CCDC146: variants seen among roughly 807,000 people sequenced by gnomAD.
The protein encoded by CCDC146 is coiled-coil domain-containing protein 146.
Under a neutral mutation model 119.3 loss-of-function variants are expected in CCDC146, and 92 were observed. The observed-to-expected ratio is 0.77, with a 90% confidence interval of 0.65 to 0.92. CCDC146 has a LOEUF of 0.92. Ranked by LOEUF, CCDC146 falls within the 40% of genes least tolerant of loss-of-function variation. CCDC146 has a pLI of 0.00. For synonymous variants in CCDC146, 372 were observed against 371.8 expected (o/e 1.00, Z -0.01); for missense variants, 1,000 against 1,103.0 (o/e 0.91, Z 1.32).
At chr7:77,230,622 G>T (rs3108449) in intron 2 of CCDC146, among the ~76,000 whole-genome samples, 85,529 of 151,848 alleles carry the variant, frequency 0.56, 26,555 homozygotes, top group Non-Finnish European at 0.7. Context: ...TAATAAGCTG[G>T]GGTTTTTTGT....
intron 2 of CCDC146, among the ~76,000 whole-genome samples, chr7:77,221,616 A>G (rs2150462628): frequency 6.6e-6 from 1 of 152,314 alleles, no homozygotes; most frequent in South Asian, 2.1e-4. Flanking sequence ...TGTGCTGAGC[A>G]CCTGGTGTGT....
At chr7:77,192,366 C>T (rs1357699332) in intron 2 of CCDC146, among the ~76,000 whole-genome samples, 1 of 152,182 alleles carries the variant, frequency 6.6e-6, no homozygotes, top group Non-Finnish European at 1.5e-5. Context: ...GATCATACAG[C>T]TTGCAAATAG....
intron 2 of CCDC146, among the ~76,000 whole-genome samples, chr7:77,192,903 A>G (rs1791796465): frequency 6.6e-6 from 1 of 152,168 alleles, no homozygotes; most frequent in South Asian, 2.1e-4. Flanking sequence ...AGCCTGGGCG[A>G]CAGAGTGAGA....
chr7:77,146,761 G>A (rs1238213407), intron 1 of CCDC146, among the ~76,000 whole-genome samples: 1 of 152,216 alleles, frequency 6.6e-6, no homozygotes, highest in Non-Finnish European at 1.5e-5. Flanking sequence ...GGCTTGTAGA[G>A]TTTCTGCCAA....
At chr7:77,241,204 C>T (rs1444884484) in intron 3 of CCDC146, among the ~76,000 whole-genome samples, 1 of 144,468 alleles carries the variant, frequency 6.9e-6, no homozygotes, top group Admixed American at 7.0e-5. Flanking sequence ...ACTACAGGCG[C>T]CCGCCACCAT....
At chr7:77,279,833 C>A (rs1022524646) in intron 13 of CCDC146, among the ~76,000 whole-genome samples, 1 of 152,172 alleles carries the variant, frequency 6.6e-6, no homozygotes, top group African/African-American at 2.4e-5. Flanking sequence ...TGGACTCTTT[C>A]ACCTATGTTA....
intron 1 of CCDC146, among the ~76,000 whole-genome samples, chr7:77,161,624 C>G (rs1485482675): frequency 2.6e-5 from 3 of 117,630 alleles, no homozygotes; most frequent in Admixed American, 1.2e-4. Context: ...ACGTCACACT[C>G]TGGGGACTGT....
chr7:77,160,753 C>T (rs1584033101), intron 1 of CCDC146, among the ~76,000 whole-genome samples: 1 of 152,220 alleles, frequency 6.6e-6, no homozygotes, highest in East Asian at 1.9e-4. Flanking sequence ...TAATTGAATA[C>T]CCTTTATTTC....
chr7:77,187,642 G>A (rs1562826553), intron 2 of CCDC146, among the ~76,000 whole-genome samples: 3 of 152,124 alleles, frequency 2.0e-5, no homozygotes, highest in African/African-American at 7.2e-5. Flanking sequence ...GTCGAAGAGA[G>A]AGCATTTGAT....
At chr7:77,202,260 A>G (rs1792006097) in intron 2 of CCDC146, among the ~76,000 whole-genome samples, 1 of 152,244 alleles carries the variant, frequency 6.6e-6, no homozygotes, top group South Asian at 2.1e-4. Flanking sequence ...TCCTTCTTAG[A>G]AAGGGGCATT....
intron 1 of CCDC146, among the ~76,000 whole-genome samples, chr7:77,162,243 T>A (rs1368454620): frequency 6.6e-6 from 1 of 152,078 alleles, no homozygotes; most frequent in African/African-American, 2.4e-5. Flanking sequence ...AAGGACTTTT[T>A]TCCTATGTTT....
chr7:77,170,445 A>G (rs934741817), intron 2 of CCDC146, among the ~76,000 whole-genome samples: 4 of 152,170 alleles, frequency 2.6e-5, no homozygotes, highest in Non-Finnish European at 5.9e-5. Flanking sequence ...GTATGAGTGC[A>G]TGTGTCTTTT....
chr7:77,256,465 CA>C lies in CCDC146; in HGVS notation c.641del (p.Gln214ArgfsTer4). ...ASKQKQLLKE[Q>X]KELEELLGHQ... ...TAAACAAAAGCAATTATTAAAAGAG[CA>C]GAAGGAACTAGAAGAATTGTTGGGA... On this transcript the variant is annotated frameshift_variant, in exon 6 of 19. Transcript: ENST00000285871. 1 of 1,606,588 alleles carries C rather than the reference CA, an allele frequency of 6.2e-7. No homozygotes were observed. The highest frequency in any genetic ancestry group is 1.7e-4 in the Middle Eastern group (1 of 6,040).
intron 16 of CCDC146, 107 bp from the exon 17 acceptor site, chr7:77,287,333 A>C: frequency 8.4e-7 from 1 of 1,185,750 alleles, no homozygotes; most frequent in Non-Finnish European, 1.2e-6. Context: ...AACACTTTCC[A>C]GAGGTATTTT....
intron 2 of CCDC146, among the ~76,000 whole-genome samples, chr7:77,191,357 C>T (rs1362685322): frequency 1.3e-5 from 2 of 152,066 alleles, no homozygotes; most frequent in African/African-American, 4.8e-5. Context: ...CAGATTTGAC[C>T]CTACCCACTA....
At chr7:77,236,269 T>C (rs547894484) in intron 2 of CCDC146, among the ~76,000 whole-genome samples, 1 of 152,056 alleles carries the variant, frequency 6.6e-6, no homozygotes, top group Non-Finnish European at 1.5e-5. Context: ...ATCACCTAAC[T>C]CAGAAAACAG....
intron 2 of CCDC146, among the ~76,000 whole-genome samples, chr7:77,180,637 G>A (rs561401009): frequency 2.2e-4 from 34 of 152,258 alleles, no homozygotes; most frequent in African/African-American, 7.7e-4. Context: ...GGCAGAGGTT[G>A]CAGTGAGCCG....
chr7:77,240,283 C>T (rs1454373888), intron 3 of CCDC146, among the ~76,000 whole-genome samples: 1 of 152,188 alleles, frequency 6.6e-6, no homozygotes, highest in African/African-American at 2.4e-5. Flanking sequence ...GATCTGGACA[C>T]CAGCGGTAGT....
chr7:77,254,547 A>G lies in CCDC146; in HGVS notation c.491A>G (p.Lys164Arg), dbSNP rs1392497873. 6.5e-7 allele frequency: 1 copy of G among 1,540,234 alleles called. No individual in the cohort carries two copies. The highest frequency in any genetic ancestry group is 1.7e-5 in the Admixed American group (1 of 58,600). Reference protein sequence around the residue: ...EKIIIVKEFEKITKPGEMEKK... With the variant: ...EKIIIVKEFERITKPGEMEKK... ...ATCATCATAGTAAAAGAATTTGAGA[A>G]GATAACAAAGCCAGGAGTAAGTCTT... Residue 164 changes from lysine to arginine, a missense_variant, in exon 5 of 19, where the codon AAG becomes AGG. Physicochemically the swap from Lys to Arg is conservative, Grantham distance 26. Coordinates refer to ENST00000285871, the MANE Select transcript of CCDC146 (RefSeq NM_020879.3).
Sources: gnomAD v4.1 joint callset for allele counts (sites outside exome capture counted in the v4.1 genomes callset) on GRCh38, gnomAD v4.1.1 for gene constraint, MANE v1.5 for transcripts, NCBI Gene and HGNC (gene_info 2026-07-23, HGNC 2026-07-21) for gene names.